The following TBK1 variants were observed in gnomAD, a reference collection of about 807,000 sequenced individuals.
The protein encoded by TBK1 is TANK binding kinase 1, also known as serine/threonine-protein kinase TBK1.
Under a neutral mutation model 99.9 loss-of-function variants are expected in TBK1, and 37 were observed. That is an observed-to-expected ratio of 0.37 (90% CI 0.28 to 0.49). TBK1 has a LOEUF of 0.49. Ranked by LOEUF, TBK1 falls within the 20% of genes least tolerant of loss-of-function variation. TBK1 has a pLI of 0.98. For synonymous variants in TBK1, 258 were observed against 279.8 expected, an observed-to-expected ratio of 0.92 and a Z score of 0.78; for missense variants, 644 against 872.5, an observed-to-expected ratio of 0.74 and a Z score of 3.30.
intron 13 of TBK1, among the ~76,000 whole-genome samples, chr12:64,494,326 A>T (rs2040903322): frequency 7.2e-5 from 11 of 151,978 alleles, no homozygotes; most frequent in Admixed American, 6.6e-4. Context: ...AAAAAAAGAA[A>T]AAATTAGCAA....
chr12:64,476,964 G>A (rs1411397933), intron 6 of TBK1, among the ~76,000 whole-genome samples: 1 of 152,130 alleles, frequency 6.6e-6, no homozygotes, highest in Non-Finnish European at 1.5e-5. Context: ...CTTTGTCAAA[G>A]ATATGTTGGT....
intron 11 of TBK1, among the ~76,000 whole-genome samples, chr12:64,487,862 CT>C (rs546804370): frequency 1.2e-3 from 179 of 152,248 alleles, no homozygotes; most frequent in Non-Finnish European, 1.7e-3. Flanking sequence ...ATCAAAAGCC[CT>C]TCAATTATAT....
intron 9 of TBK1, 37 bp from the exon 10 acceptor site, chr12:64,485,418 A>T: frequency 3.5e-6 from 4 of 1,143,918 alleles, no homozygotes; most frequent in Non-Finnish European, 5.0e-6. Flanking sequence ...TTTTTCAAAA[A>T]GTTTTCTTTC....
chr12:64,490,239 T>C, intron 13 of TBK1, 120 bp downstream of exon 13: 2 of 562,258 alleles, frequency 3.6e-6, no homozygotes. Context: ...TCGCAACTAC[T>C]CAGGAGGCCG....
chr12:64,485,741 T>C (rs2040814416), intron 10 of TBK1, 185 bp from the exon 11 acceptor site: 3 of 447,150 alleles, frequency 6.7e-6, no homozygotes, highest in South Asian at 1.3e-4. Flanking sequence ...AGTGCATGTT[T>C]AGATAATGTT....
intron 13 of TBK1, among the ~76,000 whole-genome samples, chr12:64,494,152 GAT>G (rs1234680445): frequency 6.6e-6 from 1 of 152,000 alleles, no homozygotes; most frequent in Non-Finnish European, 1.5e-5. Context: ...TAAAAACCGA[GAT>G]ATATATTTGA....
chr12:64,475,019 G>A (rs1285007271), intron 6 of TBK1, among the ~76,000 whole-genome samples: 1 of 152,172 alleles, frequency 6.6e-6, no homozygotes, highest in African/African-American at 2.4e-5. Flanking sequence ...TCAGGAGGCT[G>A]AGGTGGTAGG....
intron 4 of TBK1, among the ~76,000 whole-genome samples, chr12:64,466,075 T>G (rs2040600501): frequency 6.6e-6 from 1 of 152,164 alleles, no homozygotes; most frequent in South Asian, 2.1e-4. Context: ...GCAGAGTGAT[T>G]ATTTAGGTGA....
chr12:64,485,621 GA>G (rs2040813350), intron 10 of TBK1, 108 bp downstream of exon 10: 1 of 538,344 alleles, frequency 1.9e-6, no homozygotes, highest in East Asian at 3.4e-5. Context: ...TATGACTTAG[GA>G]AATTATTCAC....
At chr12:64,473,607 G>A (rs1007570801) in intron 5 of TBK1, among the ~76,000 whole-genome samples, 2 of 152,144 alleles carry the variant, frequency 1.3e-5, no homozygotes, top group Admixed American at 6.6e-5. Flanking sequence ...CAGTTCCATT[G>A]TGACTGGAAA....
At chr12:64,488,654 C>G (rs2040840911) in intron 12 of TBK1, 66 bp downstream of exon 12, 1 of 1,126,466 alleles carries the variant, frequency 8.9e-7, no homozygotes, top group African/African-American at 1.6e-5. Flanking sequence ...ATTTAAATGA[C>G]TTAGTTATCC....
At chr12:64,480,205 C>G (rs2040755602) in intron 7 of TBK1, 83 bp downstream of exon 7, 2 of 876,150 alleles carry the variant, frequency 2.3e-6, no homozygotes, top group East Asian at 2.6e-5. Context: ...TACTCAAATA[C>G]TGAAGTGTAG....
At chr12:64,480,161 G>A (rs1246757974) in intron 7 of TBK1, 39 bp downstream of exon 7, 1 of 1,495,830 alleles carries the variant, frequency 6.7e-7, no homozygotes, top group East Asian at 2.3e-5. Flanking sequence ...TTTGCACTTT[G>A]GTGTTTGAAA....
chr12:64,485,347 C>T, intron 9 of TBK1, 108 bp from the exon 10 acceptor site: 2 of 499,350 alleles, frequency 4.0e-6, no homozygotes, highest in Non-Finnish European at 7.1e-6. Flanking sequence ...AACTACATTA[C>T]AGATTTTGCC....
chr12:64,499,870 G>T (rs2040970336), intron 20 of TBK1, among the ~76,000 whole-genome samples: 1 of 151,632 alleles, frequency 6.6e-6, no homozygotes, highest in Non-Finnish European at 1.5e-5. Flanking sequence ...GCTAATTTTT[G>T]TATTTTTAGT....
intron 2 of TBK1, among the ~76,000 whole-genome samples, chr12:64,458,695 A>G (rs80214999): frequency 0.04 from 6,037 of 152,150 alleles, 403 homozygotes; most frequent in African/African-American, 0.14. Flanking sequence ...CAGTGGGTAT[A>G]TTGCAAAATT....
intron 5 of TBK1, among the ~76,000 whole-genome samples, chr12:64,468,168 A>G (rs2040625320): frequency 6.6e-6 from 1 of 152,094 alleles, no homozygotes; most frequent in African/African-American, 2.4e-5. Flanking sequence ...GGCCTGGGCT[A>G]TAAAGCAAGA....
intron 1 of TBK1, among the ~76,000 whole-genome samples, chr12:64,454,775 C>A (rs2040467457): frequency 6.9e-6 from 1 of 144,462 alleles, no homozygotes; most frequent in South Asian, 2.2e-4. Context: ...CTCCCGGGTT[C>A]CCGCCATTCT....
At chr12:64,491,958 T>C (rs914464748) in intron 13 of TBK1, among the ~76,000 whole-genome samples, 1 of 152,248 alleles carries the variant, frequency 6.6e-6, no homozygotes, top group East Asian at 1.9e-4. Flanking sequence ...ATATACACAC[T>C]TTAAATGTTA....
Sources: gnomAD v4.1 joint callset for allele counts (sites outside exome capture counted in the v4.1 genomes callset) on GRCh38, gnomAD v4.1.1 for gene constraint, MANE v1.5 for transcripts, NCBI Gene and HGNC (gene_info 2026-07-23, HGNC 2026-07-21) for gene names.